Variants in UTRN observed in about 807,000 individuals in gnomAD.
UTRN encodes dystrophin-related protein 1.
In UTRN, 283 loss-of-function variants were observed where a neutral mutation model predicts 463.9. That is an observed-to-expected ratio of 0.61 (90% confidence interval 0.55 to 0.67). The LOEUF (loss-of-function observed/expected upper bound fraction) is 0.67, where lower values mean the gene tolerates loss of function less well. UTRN is among the 30% of genes least tolerant of loss of function. The pLI, the probability that UTRN is intolerant of heterozygous loss-of-function variation, is 0.00. For synonymous variants in UTRN, 1,442 were observed against 1,431.5 expected, an observed-to-expected ratio of 1.01 and a Z score of -0.17; for missense variants, 3,922 against 4,084.3, an observed-to-expected ratio of 0.96 and a Z score of 1.08.
chr6:144,435,376 C>CA (rs1359643831), intron 9 of UTRN, among the ~76,000 whole-genome samples: 1 of 152,144 alleles, frequency 6.6e-6, no homozygotes, highest in African/African-American at 2.4e-5. Flanking sequence ...ATCAGATAAA[C>CA]CAGAGGGCAA....
intron 41 of UTRN, 100 bp downstream of exon 41, chr6:144,523,288 T>A (rs1029658640): frequency 2.1e-6 from 2 of 970,288 alleles, no homozygotes; most frequent in African/African-American, 3.4e-5. Flanking sequence ...AGAACATGTT[T>A]CATATCCTTG....
intron 46 of UTRN, among the ~76,000 whole-genome samples, chr6:144,543,957 G>A (rs1798193793): frequency 6.6e-6 from 1 of 152,032 alleles, no homozygotes; most frequent in African/African-American, 2.4e-5. Flanking sequence ...GTTGACATTT[G>A]GGTACTGCTG....
At chr6:144,847,710 G>A (rs1782142941) in intron 74 of UTRN, among the ~76,000 whole-genome samples, 1 of 152,062 alleles carries the variant, frequency 6.6e-6, no homozygotes, top group Non-Finnish European at 1.5e-5. Context: ...GTAAAGATTT[G>A]GGGACCCTTA....
chr6:144,573,056 C>T (rs928623974), intron 50 of UTRN, among the ~76,000 whole-genome samples: 4 of 152,190 alleles, frequency 2.6e-5, no homozygotes, highest in Non-Finnish European at 4.4e-5. Flanking sequence ...TCTCCAGCAT[C>T]TGTTTTATCC....
chr6:144,518,281 C>T (rs1477512129), intron 39 of UTRN, among the ~76,000 whole-genome samples: 5 of 152,234 alleles, frequency 3.3e-5, no homozygotes, highest in South Asian at 2.1e-4. Flanking sequence ...ATTCCTTCAT[C>T]GAAGAAACTG....
At chr6:144,825,148 C>G (rs1439717258) in intron 66 of UTRN, among the ~76,000 whole-genome samples, 1 of 152,050 alleles carries the variant, frequency 6.6e-6, no homozygotes, top group Non-Finnish European at 1.5e-5. Context: ...GCTAGGATTA[C>G]AGGCACAAGC....
intron 66 of UTRN, among the ~76,000 whole-genome samples, chr6:144,821,862 G>C (rs1208530277): frequency 3.9e-5 from 6 of 151,978 alleles, no homozygotes; most frequent in African/African-American, 1.4e-4. Context: ...TGAATCTTGG[G>C]GAAAATGAAC....
intron 46 of UTRN, among the ~76,000 whole-genome samples, chr6:144,545,727 A>G (rs537325966): frequency 2.2e-4 from 33 of 152,270 alleles, no homozygotes; most frequent in South Asian, 4.1e-4. Flanking sequence ...TCCTGATAGA[A>G]TGCAAGCTCT....
rs746627423 is a variant in UTRN at position 144,447,266 on chromosome 6, C to G, written c.1670C>G (p.Thr557Arg). The stretch of plus-strand genomic sequence containing the variant: ...GAAGAGGCTTTAAATAAAGTCCAGA[C>G]AAGCAACTTCAAAGACCAAAAGGAA... ...EKEEALNKVQ[T>R]SNFKDQKELS... Residue 557 changes from threonine to arginine, a missense_variant, in exon 15 of 75, where the codon ACA becomes AGA. Physicochemically the swap from Thr to Arg is moderately conservative, Grantham distance 71. Transcript: ENST00000367545. 12 of 1,613,962 alleles carry G rather than the reference C, an allele frequency of 7.4e-6. No individual in the cohort carries two copies. Among genetic ancestry groups the G allele is most frequent in the Middle Eastern group, 1.6e-4 (1 of 6,062 alleles).
chr6:144,413,208 C>T (rs973264155), intron 3 of UTRN, among the ~76,000 whole-genome samples: 6 of 152,270 alleles, frequency 3.9e-5, no homozygotes, highest in East Asian at 3.9e-4. Flanking sequence ...CATATATGAT[C>T]GTGGTCCCAG....
intron 8 of UTRN, 38 bp downstream of exon 8, chr6:144,428,931 T>C (rs368379045): frequency 1.8e-5 from 25 of 1,416,316 alleles, no homozygotes; most frequent in Non-Finnish European, 2.3e-5. Flanking sequence ...TGATTTTGCT[T>C]TACAGTTTTG....
At chr6:144,345,999 A>T (rs1490202201) in intron 2 of UTRN, among the ~76,000 whole-genome samples, 1 of 151,958 alleles carries the variant, frequency 6.6e-6, no homozygotes, top group Non-Finnish European at 1.5e-5. Context: ...CCAACATGGT[A>T]AAACCTTGTC....
intron 37 of UTRN, among the ~76,000 whole-genome samples, chr6:144,515,688 T>C (rs934242609): frequency 2.0e-5 from 3 of 152,254 alleles, no homozygotes; most frequent in Non-Finnish European, 4.4e-5. Context: ...CATTTAGTTT[T>C]ATTAAAATTG....
At chr6:144,768,941 G>GTTTTTTT (rs1204880630) in intron 58 of UTRN, among the ~76,000 whole-genome samples, 3 of 96,912 alleles carry the variant, frequency 3.1e-5, no homozygotes, top group African/African-American at 5.2e-5. Flanking sequence ...TTGCTACTTT[G>GTTTTTTT]TTTTTTGTTT....
At chr6:144,712,152 T>C (rs1438122450) in intron 53 of UTRN, among the ~76,000 whole-genome samples, 1 of 152,224 alleles carries the variant, frequency 6.6e-6, no homozygotes, top group Non-Finnish European at 1.5e-5. Context: ...CTCTCCAACC[T>C]TTGCCAGTCT....
In UTRN at chr6:144,692,511, A is replaced by G. The variant is rs143741822; in HGVS notation, c.7653-7576A>G. On this transcript the variant is annotated intron_variant, in intron 52 of 74. Transcript: ENST00000367545. The stretch of plus-strand genomic sequence containing the variant: ...TGAACTAATTTACACTCCAACCAAC[A>G]GTGTAAAAGTGTTCCTTTTTCTCCT... Among the ~76,000 whole-genome samples, 700 of 152,342 alleles carry G rather than the reference A, an allele frequency of 4.6e-3. 4 individuals carry two copies. The highest frequency in any genetic ancestry group is 8.0e-3 in the Non-Finnish European group (543 of 68,038).
intron 54 of UTRN, among the ~76,000 whole-genome samples, chr6:144,739,590 T>C (rs1353167887): frequency 1.3e-5 from 2 of 152,146 alleles, no homozygotes; most frequent in African/African-American, 4.8e-5. Flanking sequence ...TCCCTAAGTG[T>C]AGGCATGAAG....
At chr6:144,536,835 CTT>C (rs1217506975) in intron 43 of UTRN, among the ~76,000 whole-genome samples, 1 of 152,052 alleles carries the variant, frequency 6.6e-6, no homozygotes, top group Non-Finnish European at 1.5e-5. Flanking sequence ...ATATTCCTCT[CTT>C]CTGACAGATG....
At chr6:144,547,259 A>G (rs2128609853) in intron 46 of UTRN, among the ~76,000 whole-genome samples, 1 of 152,242 alleles carries the variant, frequency 6.6e-6, no homozygotes, top group African/African-American at 2.4e-5. Context: ...GTTTTAGAAA[A>G]AGTATTTTGG....
Sources: gnomAD v4.1 joint callset for allele counts (sites outside exome capture counted in the v4.1 genomes callset) on GRCh38, gnomAD v4.1.1 for gene constraint, MANE v1.5 for transcripts, NCBI Gene and HGNC (gene_info 2026-07-23, HGNC 2026-07-21) for gene names.